The following DLG2 variants were observed in gnomAD, a reference collection of about 807,000 sequenced individuals.
The protein encoded by DLG2 is discs large MAGUK scaffold protein 2.
Under a neutral mutation model 132.5 loss-of-function variants are expected in DLG2, and 45 were observed. The observed-to-expected ratio is 0.34, with a 90% CI of 0.27 to 0.44. The LOEUF (loss-of-function observed/expected upper bound fraction) is 0.44, where lower values mean the gene tolerates loss of function less well. Among genes scored for constraint, DLG2 ranks in the 20% least tolerant of loss-of-function variants. The pLI is 1.00. For synonymous variants in DLG2, 424 were observed against 419.6 expected (o/e 1.01, Z -0.13); for missense variants, 1,045 against 1,196.9 (o/e 0.87, Z 1.87).
At chr11:83,591,198 T>C (rs2153310374) in intron 19 of DLG2, among the ~76,000 whole-genome samples, 1 of 145,196 alleles carries the variant, frequency 6.9e-6, no homozygotes, top group East Asian at 2.1e-4. Flanking sequence ...AAAAAGAGAA[T>C]TTTAGACCAA....
chr11:84,002,957 T>C (rs2094425284), intron 11 of DLG2, among the ~76,000 whole-genome samples: 1 of 152,180 alleles, frequency 6.6e-6, no homozygotes, highest in Non-Finnish European at 1.5e-5. Flanking sequence ...TATCTCTTTG[T>C]GAATGCGTAA....
In DLG2 at chr11:83,794,362, A is replaced by T. The variant is rs181072517; in HGVS notation, c.1723-7570T>A. 2.5e-4 allele frequency among the ~76,000 whole-genome samples: 38 copies of T among 151,888 alleles called. No individual in the cohort carries two copies. In the East Asian group the frequency reaches 7.0e-3, roughly 28 times the overall value. ...AAACCTTGAACAAATAACATTTTCA[A>T]GTATTCACAGTTTACATCATTGATA... On this transcript the variant is annotated intron_variant, in intron 17 of 27. Coordinates refer to ENST00000376104, the MANE Select transcript of DLG2 (RefSeq NM_001142699.3).
chr11:84,120,211 T>C (rs2093839418), intron 9 of DLG2, among the ~76,000 whole-genome samples: 1 of 152,166 alleles, frequency 6.6e-6, no homozygotes, highest in South Asian at 2.1e-4. Context: ...TATAAAACCT[T>C]GTCCCTTGTC....
intron 6 of DLG2, among the ~76,000 whole-genome samples, chr11:84,768,855 T>C (rs1406980009): frequency 6.6e-6 from 1 of 151,982 alleles, no homozygotes; most frequent in South Asian, 2.1e-4. Context: ...CAGAAATCTC[T>C]CTCTAGGCCA....
At chr11:84,745,637 C>T (rs992840132) in intron 6 of DLG2, among the ~76,000 whole-genome samples, 7 of 152,138 alleles carry the variant, frequency 4.6e-5, no homozygotes, top group Non-Finnish European at 5.9e-5. Context: ...AAATAAAAGG[C>T]GGGATAGCTC....
intron 3 of DLG2, among the ~76,000 whole-genome samples, chr11:85,554,886 C>G (rs2153221915): frequency 6.6e-6 from 1 of 151,822 alleles, no homozygotes; most frequent in South Asian, 2.1e-4. Context: ...ATGGCTCAAC[C>G]AGTCCCATGG....
intron 14 of DLG2, among the ~76,000 whole-genome samples, chr11:83,946,015 A>G (rs752085316): frequency 1.1e-4 from 13 of 118,796 alleles, no homozygotes; most frequent in Non-Finnish European, 1.6e-4. Context: ...TTTTTGACAG[A>G]GTCTCAGTCT....
chr11:83,620,296 A>G (rs1294223468), intron 19 of DLG2, among the ~76,000 whole-genome samples: 1 of 152,228 alleles, frequency 6.6e-6, no homozygotes, highest in Non-Finnish European at 1.5e-5. Context: ...ACAAAATTGT[A>G]TGTATAAAAC....
intron 6 of DLG2, among the ~76,000 whole-genome samples, chr11:85,072,610 T>A (rs938560611): frequency 6.6e-6 from 1 of 151,858 alleles, no homozygotes; most frequent in South Asian, 2.1e-4. Context: ...ATAAAACAGA[T>A]TACTTTCATC....
intron 9 of DLG2, among the ~76,000 whole-genome samples, chr11:84,100,886 T>G (rs551269839): frequency 4.5e-4 from 69 of 152,252 alleles, no homozygotes; most frequent in Middle Eastern, 3.4e-3. Flanking sequence ...TCCAGAGGGT[T>G]GTTTTTACAA....
At chr11:84,889,994 G>A (rs1223736182) in intron 6 of DLG2, among the ~76,000 whole-genome samples, 1 of 152,158 alleles carries the variant, frequency 6.6e-6, no homozygotes, top group Non-Finnish European at 1.5e-5. Flanking sequence ...GTTCCTCAGT[G>A]AAATATATGG....
At chr11:83,626,238 T>A (rs951858972) in intron 19 of DLG2, among the ~76,000 whole-genome samples, 6 of 152,170 alleles carry the variant, frequency 3.9e-5, no homozygotes, top group African/African-American at 1.4e-4. Flanking sequence ...ATAGGCATGT[T>A]GTAAAAATCA....
intron 3 of DLG2, among the ~76,000 whole-genome samples, chr11:85,405,812 G>A (rs886232524): frequency 4.6e-5 from 7 of 151,926 alleles, no homozygotes; most frequent in Non-Finnish European, 8.8e-5. Context: ...AGAGGTGAAA[G>A]AAAAGTATTG....
intron 3 of DLG2, among the ~76,000 whole-genome samples, chr11:85,376,126 A>T (rs552075189): frequency 6.6e-6 from 1 of 152,302 alleles, no homozygotes; most frequent in South Asian, 2.1e-4. Flanking sequence ...AAATGAATAC[A>T]TCCCCACAGA....
intron 3 of DLG2, among the ~76,000 whole-genome samples, chr11:85,475,057 C>T (rs1021637343): frequency 6.6e-6 from 1 of 151,196 alleles, no homozygotes; most frequent in Non-Finnish European, 1.5e-5. Flanking sequence ...TAAGATAAGC[C>T]TCTGGCAAAA....
chr11:85,008,587 C>T (rs1332144101), intron 6 of DLG2, among the ~76,000 whole-genome samples: 1 of 151,926 alleles, frequency 6.6e-6, no homozygotes, highest in Non-Finnish European at 1.5e-5. Context: ...AAAAAGTGCA[C>T]AAAAATTTTA....
chr11:84,164,072 C>T (rs1463932942), intron 8 of DLG2, among the ~76,000 whole-genome samples: 1 of 152,090 alleles, frequency 6.6e-6, no homozygotes, highest in Non-Finnish European at 1.5e-5. Flanking sequence ...TATAACCATA[C>T]CTATGTACCT....
chr11:85,597,896 G>A (rs1350449102), intron 3 of DLG2, among the ~76,000 whole-genome samples: 1 of 146,528 alleles, frequency 6.8e-6, no homozygotes, highest in Non-Finnish European at 1.5e-5. Flanking sequence ...TAGTTAGTTG[G>A]TTGTTTTTTT....
At chr11:85,339,387 A>G (rs539424024) in intron 3 of DLG2, among the ~76,000 whole-genome samples, 3 of 152,196 alleles carry the variant, frequency 2.0e-5, no homozygotes, top group Non-Finnish European at 4.4e-5. Context: ...AAGAAGGATT[A>G]CTGGGCTGAA....
Sources: allele counts gnomAD v4.1 joint callset (sites outside exome capture counted in the v4.1 genomes callset), GRCh38; gene constraint gnomAD v4.1.1; transcripts MANE v1.5; gene names NCBI Gene and HGNC (gene_info 2026-07-23, HGNC 2026-07-21).